The following FARSB variants were observed in gnomAD, a reference collection of about 807,000 sequenced individuals.
FARSB encodes phenylalanine--tRNA ligase beta subunit.
In FARSB, 40 loss-of-function variants were observed where a neutral mutation model predicts 69.6. The ratio of observed to expected loss-of-function variants is 0.57; its 90% CI spans 0.45 to 0.75. The LOEUF (loss-of-function observed/expected upper bound fraction) is 0.75, where lower values mean the gene tolerates loss of function less well. Ranked by LOEUF, FARSB falls within the 30% of genes least tolerant of loss-of-function variation. The pLI, the probability that FARSB is intolerant of heterozygous loss-of-function variation, is 0.00. For synonymous variants in FARSB, 235 were observed against 247.2 expected, an observed-to-expected ratio of 0.95 and a Z score of 0.46; for missense variants, 632 against 722.9, an observed-to-expected ratio of 0.87 and a Z score of 1.44.
chr2:222,589,810 A>G (rs899521775), intron 16 of FARSB, among the ~76,000 whole-genome samples: 1 of 152,202 alleles, frequency 6.6e-6, no homozygotes. Flanking sequence ...CAAAACCACA[A>G]TGAGATACCA....
At chr2:222,609,693 G>A (rs1295740792) in intron 15 of FARSB, among the ~76,000 whole-genome samples, 1 of 152,182 alleles carries the variant, frequency 6.6e-6, no homozygotes, top group Non-Finnish European at 1.5e-5. Context: ...CTCAAAAAGT[G>A]TGCCTGATGC....
intron 16 of FARSB, among the ~76,000 whole-genome samples, chr2:222,579,064 A>G (rs1398618618): frequency 7.2e-5 from 11 of 152,220 alleles, no homozygotes; most frequent in Non-Finnish European, 1.3e-4. Flanking sequence ...TTCCCAGTGC[A>G]GCCCTGGCCA....
intron 15 of FARSB, among the ~76,000 whole-genome samples, chr2:222,603,667 ATAAT>A (rs1559198647): frequency 7.5e-6 from 1 of 133,882 alleles, no homozygotes; most frequent in Non-Finnish European, 1.7e-5. Flanking sequence ...TATTATTAAT[ATAAT>A]TAATATTATA....
At chr2:222,577,633 C>A (rs1689869375) in intron 16 of FARSB, among the ~76,000 whole-genome samples, 1 of 152,192 alleles carries the variant, frequency 6.6e-6, no homozygotes, top group Non-Finnish European at 1.5e-5. Flanking sequence ...AAAACCCACA[C>A]TACCTAGTCC....
In FARSB at chr2:222,580,697, A is replaced by G. The variant is rs147151978; in HGVS notation, c.1619-8675T>C. ...ACTACTGCCTTTAAAAAAAAATTCCACTGGTAGGAAAAAAAAATGCCCCAA... is the reference window on the plus strand; with the variant it reads ...ACTACTGCCTTTAAAAAAAAATTCCGCTGGTAGGAAAAAAAAATGCCCCAA... On this transcript the variant is annotated intron_variant, in intron 16 of 16. Coordinates refer to ENST00000281828, the MANE Select transcript of FARSB (RefSeq NM_005687.5). Among the ~76,000 whole-genome samples, 1,142 of 152,060 alleles carry G rather than the reference A, an allele frequency of 7.5e-3. 12 individuals are homozygous for G. Among genetic ancestry groups the G allele is most frequent in the African/African-American group, 0.027 (1,105 of 41,462 alleles).
At chr2:222,616,985 C>CTTT (rs1004946913) in intron 14 of FARSB, among the ~76,000 whole-genome samples, 1 of 28,368 alleles carries the variant, frequency 3.5e-5, no homozygotes, top group Non-Finnish European at 6.9e-5. Flanking sequence ...AAGATTGATT[C>CTTT]TTTTTTTTTT....
chr2:222,622,919 T>G, intron 13 of FARSB, among the ~76,000 whole-genome samples: 1 of 152,198 alleles, frequency 6.6e-6, no homozygotes, highest in Admixed American at 6.5e-5. Flanking sequence ...TTAAGCAAAC[T>G]AGAAGTAGAG....
chr2:222,591,373 T>A (rs185556261), intron 16 of FARSB, among the ~76,000 whole-genome samples: 77 of 152,336 alleles, frequency 5.1e-4, no homozygotes, highest in African/African-American at 1.7e-3. Context: ...AGAGTTCCTG[T>A]GCAACCGGAA....
chr2:222,581,423 C>T (rs1005079598), intron 16 of FARSB, among the ~76,000 whole-genome samples: 3 of 152,160 alleles, frequency 2.0e-5, no homozygotes, highest in African/African-American at 7.2e-5. Context: ...GTTTCTGCAT[C>T]CCCACTGCCC....
At chr2:222,629,345 C>T (rs2106224579) in intron 9 of FARSB, among the ~76,000 whole-genome samples, 1 of 152,228 alleles carries the variant, frequency 6.6e-6, no homozygotes, top group South Asian at 2.1e-4. Flanking sequence ...AACTATGATG[C>T]TAGTACCAAG....
intron 9 of FARSB, among the ~76,000 whole-genome samples, chr2:222,629,590 C>T (rs1390430722): frequency 6.6e-6 from 1 of 152,190 alleles, no homozygotes; most frequent in African/African-American, 2.4e-5. Context: ...CTGGCAGTAA[C>T]TTGCCCTTAC....
intron 15 of FARSB, among the ~76,000 whole-genome samples, chr2:222,610,386 T>C (rs974663690): frequency 6.6e-5 from 10 of 152,132 alleles, no homozygotes; most frequent in Admixed American, 2.6e-4. Flanking sequence ...AGTAAAAACA[T>C]GTTAATTCAC....
chr2:222,599,577 A>G (rs972491127), intron 16 of FARSB, among the ~76,000 whole-genome samples: 21 of 151,998 alleles, frequency 1.4e-4, no homozygotes, highest in Admixed American at 1.2e-3. Flanking sequence ...GCAAACCATC[A>G]CTTTAGGTCT....
At chr2:222,630,722 A>G (rs1005377842) in intron 8 of FARSB, among the ~76,000 whole-genome samples, 7 of 152,242 alleles carry the variant, frequency 4.6e-5, no homozygotes, top group Admixed American at 2.0e-4. Context: ...ATTGGAATAT[A>G]TGCTTTACTC....
chr2:222,603,897 T>C (rs533011297), intron 15 of FARSB, among the ~76,000 whole-genome samples: 16 of 152,014 alleles, frequency 1.1e-4, no homozygotes, highest in African/African-American at 3.1e-4. Context: ...TGTATGGCTA[T>C]ATATCCACTT....
chr2:222,641,519 C>A (rs1196435483), intron 3 of FARSB, among the ~76,000 whole-genome samples: 1 of 152,206 alleles, frequency 6.6e-6, no homozygotes, highest in African/African-American at 2.4e-5. Context: ...TGTTAAACCA[C>A]AGATTCTGAT....
chr2:222,630,815 A>G (rs1276500353), intron 8 of FARSB, among the ~76,000 whole-genome samples: 1 of 152,228 alleles, frequency 6.6e-6, no homozygotes, highest in African/African-American at 2.4e-5. Context: ...AATTTTTTAA[A>G]AAATTAATAT....
chr2:222,613,157 T>G (rs1690901945), intron 15 of FARSB, among the ~76,000 whole-genome samples: 1 of 152,226 alleles, frequency 6.6e-6, no homozygotes, highest in Admixed American at 6.5e-5. Context: ...ATGAGAGACA[T>G]AGCAACCAAA....
intron 10 of FARSB, among the ~76,000 whole-genome samples, chr2:222,628,400 A>T (rs1396922943): frequency 6.6e-6 from 1 of 152,222 alleles, no homozygotes; most frequent in Non-Finnish European, 1.5e-5. Flanking sequence ...GTATAGAAAC[A>T]TCACACTGTA....
Sources: allele counts gnomAD v4.1 joint callset (sites outside exome capture counted in the v4.1 genomes callset), GRCh38; gene constraint gnomAD v4.1.1; transcripts MANE v1.5; gene names NCBI Gene and HGNC (gene_info 2026-07-23, HGNC 2026-07-21).